The following RORA variants were observed in gnomAD, a reference collection of about 807,000 sequenced individuals.
RORA encodes the protein nuclear receptor ROR-alpha.
Under a neutral mutation model 69.5 loss-of-function variants are expected in RORA, and 7 were observed. That is an observed-to-expected ratio of 0.10 (90% CI 0.06 to 0.19). RORA has a LOEUF of 0.19. RORA is among the 10% of genes least tolerant of loss of function. The probability of loss-of-function intolerance (pLI) is 1.00; values close to 1 mark genes in which losing one functional copy is unlikely to be tolerated. For missense variants in RORA, 457 were observed against 663.0 expected, an observed-to-expected ratio of 0.69 and a Z score of 3.41; for synonymous variants, 261 against 240.8, an observed-to-expected ratio of 1.08 and a Z score of -0.78.
chr15:60,940,851 CG>C (rs1892672973), intron 1 of RORA, among the ~76,000 whole-genome samples: 1 of 152,124 alleles, frequency 6.6e-6, no homozygotes, highest in Non-Finnish European at 1.5e-5. Flanking sequence ...TGTTTGAACT[CG>C]GGAGGCAAAG....
chr15:60,731,915 G>A (rs759519749), intron 1 of RORA, among the ~76,000 whole-genome samples: 3 of 152,312 alleles, frequency 2.0e-5, no homozygotes, highest in Non-Finnish European at 2.9e-5. Context: ...AGGAGGACAC[G>A]TCCCAGGGAA....
At chr15:60,861,458 G>A (rs573426325) in intron 1 of RORA, among the ~76,000 whole-genome samples, 166 of 152,258 alleles carry the variant, frequency 1.1e-3, no homozygotes, top group African/African-American at 3.7e-3. Context: ...TTGTGATGAG[G>A]ACTACTGTAC....
intron 2 of RORA, among the ~76,000 whole-genome samples, chr15:60,579,822 C>T (rs573690404): frequency 1.3e-5 from 2 of 152,220 alleles, no homozygotes; most frequent in East Asian, 3.9e-4. Flanking sequence ...ACATAATCCC[C>T]TATAGTTCTT....
chr15:60,519,783 T>C (rs2066097680), intron 3 of RORA, among the ~76,000 whole-genome samples: 1 of 142,078 alleles, frequency 7.0e-6, no homozygotes. Context: ...AGAAGTATTC[T>C]GCCCCATTTG....
chr15:60,917,041 G>A (rs891884571), intron 1 of RORA, among the ~76,000 whole-genome samples: 6 of 152,124 alleles, frequency 3.9e-5, no homozygotes, highest in African/African-American at 7.2e-5. Context: ...AGAAGTATCC[G>A]GCTTCCAGAG....
chr15:61,110,272 T>TA (rs2078992089), intron 1 of RORA, among the ~76,000 whole-genome samples: 1 of 152,028 alleles, frequency 6.6e-6, no homozygotes, highest in Non-Finnish European at 1.5e-5. Flanking sequence ...GGTGCACACC[T>TA]GTAGTCCCAG....
At chr15:61,175,642 G>A (rs998757054) in intron 1 of RORA, among the ~76,000 whole-genome samples, 5 of 151,744 alleles carry the variant, frequency 3.3e-5, no homozygotes, top group Non-Finnish European at 7.4e-5. Flanking sequence ...GCTTGAGCCC[G>A]GGAGGTTGAG....
intron 1 of RORA, among the ~76,000 whole-genome samples, chr15:61,014,324 A>G (rs569944750): frequency 1.3e-5 from 2 of 152,360 alleles, no homozygotes; most frequent in South Asian, 4.1e-4. Context: ...CCTGGCACAT[A>G]GTAGGTCCTT....
chr15:61,102,639 A>G (rs1358597437), intron 1 of RORA, among the ~76,000 whole-genome samples: 3 of 152,160 alleles, frequency 2.0e-5, no homozygotes, highest in Non-Finnish European at 2.9e-5. Context: ...GTGTACCCAC[A>G]ACTTCCTGGT....
chr15:61,067,716 C>T (rs2078284071), intron 1 of RORA, among the ~76,000 whole-genome samples: 1 of 152,230 alleles, frequency 6.6e-6, no homozygotes, highest in Admixed American at 6.5e-5. Flanking sequence ...ATGCTGTCAC[C>T]CTCAAAATAT....
At chr15:60,575,234 G>C (rs139457197) in intron 2 of RORA, among the ~76,000 whole-genome samples, 1 of 152,284 alleles carries the variant, frequency 6.6e-6, no homozygotes, top group African/African-American at 2.4e-5. Context: ...TCACCACATC[G>C]TCTGATTCAC....
intron 1 of RORA, among the ~76,000 whole-genome samples, chr15:61,066,171 T>C (rs1354669250): frequency 6.6e-6 from 1 of 152,174 alleles, no homozygotes; most frequent in Non-Finnish European, 1.5e-5. Flanking sequence ...TTTTCACCTA[T>C]CACTCATCAA....
intron 2 of RORA, among the ~76,000 whole-genome samples, chr15:60,607,089 G>C (rs1465509055): frequency 6.6e-6 from 1 of 152,188 alleles, no homozygotes; most frequent in Admixed American, 6.5e-5. Context: ...GGCGCAAAGA[G>C]AGACAATAAA....
chr15:61,074,477 A>G (rs1297983320), intron 1 of RORA, among the ~76,000 whole-genome samples: 3 of 152,260 alleles, frequency 2.0e-5, no homozygotes, highest in Admixed American at 6.5e-5. Flanking sequence ...TACTTCAGAA[A>G]GAAACCATTT....
At chr15:60,938,662 G>A (rs1037429748) in intron 1 of RORA, among the ~76,000 whole-genome samples, 3 of 152,176 alleles carry the variant, frequency 2.0e-5, no homozygotes, top group Non-Finnish European at 2.9e-5. Flanking sequence ...TTTTAAATAA[G>A]AGGGAGGCAA....
At chr15:60,722,170 T>G (rs1306664330) in intron 1 of RORA, among the ~76,000 whole-genome samples, 1 of 152,218 alleles carries the variant, frequency 6.6e-6, no homozygotes, top group Non-Finnish European at 1.5e-5. Flanking sequence ...CCCTTTCAGT[T>G]TGTTATTTAT....
chr15:60,582,156 T>C (rs530771274), intron 2 of RORA, among the ~76,000 whole-genome samples: 14 of 152,312 alleles, frequency 9.2e-5, no homozygotes, highest in Admixed American at 2.0e-4. Context: ...TGGGCATATT[T>C]ATTATTAATA....
chr15:60,738,074 G>A (rs974791937), intron 1 of RORA, among the ~76,000 whole-genome samples: 1 of 152,228 alleles, frequency 6.6e-6, no homozygotes, highest in Non-Finnish European at 1.5e-5. Context: ...AGCTGAATGA[G>A]GGAGTCCAGA....
rs896050173 is a variant in RORA, at chr15:61,067,106, C to CT, written c.166+161946dup. On this transcript the variant is annotated intron_variant, in intron 1 of 10. Transcript: ENST00000335670. ...CTATGTATGTATGCATTAGTCTAAA[C>CT]TTTTTTTCTTTTTTTTTTTTTTTGA... Among the ~76,000 whole-genome samples the CT allele has an allele frequency of 7.2e-3, 1,071 of 149,172 alleles. 15 individuals are homozygous for CT. Among genetic ancestry groups the CT allele is most frequent in the African/African-American group, 0.025 (1,001 of 40,062 alleles).
Sources: allele counts gnomAD v4.1 joint callset (sites outside exome capture counted in the v4.1 genomes callset), GRCh38; gene constraint gnomAD v4.1.1; transcripts MANE v1.5; gene names NCBI Gene and HGNC (gene_info 2026-07-23, HGNC 2026-07-21).